The following CHST8 variants were observed in gnomAD, a reference collection of about 807,000 sequenced individuals.
CHST8 encodes GALNAC-4-ST1.
Under a neutral mutation model 15.0 loss-of-function variants are expected in CHST8, and 10 were observed. The observed-to-expected ratio is 0.67, with a 90% CI of 0.41 to 1.13. CHST8 has a LOEUF of 1.13. Ranked by LOEUF, CHST8 falls within the 50% of genes most tolerant of loss-of-function variation. The pLI is 0.00. For synonymous variants in CHST8, 259 were observed against 256.6 expected, an observed-to-expected ratio of 1.01 and a Z score of -0.09; for missense variants, 634 against 608.2, an observed-to-expected ratio of 1.04 and a Z score of -0.45.
intron 3 of CHST8, among the ~76,000 whole-genome samples, chr19:33,757,055 G>T (rs1405683884): frequency 6.6e-6 from 1 of 152,166 alleles, no homozygotes; most frequent in African/African-American, 2.4e-5. Flanking sequence ...GCCCTGTGGG[G>T]GCTCCTGCTG....
chr19:33,654,989 T>C (rs190463407), intron 1 of CHST8, among the ~76,000 whole-genome samples: 22 of 152,308 alleles, frequency 1.4e-4, no homozygotes, highest in Non-Finnish European at 1.5e-5. Context: ...TCAGACATGG[T>C]AGGTCAAGCC....
Position 33,746,761 on chromosome 19 carries a change from C to T in CHST8, c.131-24652C>T, listed in dbSNP as rs536616885. Among the ~76,000 whole-genome samples the T allele has an allele frequency of 1.3e-3, 200 of 152,018 alleles. 2 individuals are homozygous for T. Among genetic ancestry groups the T allele is most frequent in the Non-Finnish European group, 2.3e-3 (159 of 68,020 alleles). On this transcript the variant is annotated intron_variant, in intron 3 of 4. Coordinates refer to ENST00000650847, the MANE Select transcript of CHST8 (RefSeq NM_001127895.2). ...CAGGGGGCCTGACTTCACTCCATTC[C>T]AGCGTCACCTAACAAAAGACCCTAG...
At chr19:33,700,162 G>A (rs903440392) in intron 3 of CHST8, among the ~76,000 whole-genome samples, 10 of 152,216 alleles carry the variant, frequency 6.6e-5, no homozygotes, top group Admixed American at 6.5e-4. Context: ...CCGGGCAGGT[G>A]GGTTTTATTG....
At chr19:33,715,438 G>A (rs1973648542) in intron 3 of CHST8, among the ~76,000 whole-genome samples, 1 of 152,200 alleles carries the variant, frequency 6.6e-6, no homozygotes, top group Non-Finnish European at 1.5e-5. Flanking sequence ...AGATAGATAG[G>A]ATCAGACCTT....
intron 2 of CHST8, among the ~76,000 whole-genome samples, chr19:33,676,868 C>G (rs1256107433): frequency 2.0e-5 from 3 of 150,716 alleles, no homozygotes; most frequent in Non-Finnish European, 4.4e-5. Flanking sequence ...CAGAGCGAGA[C>G]CCAGACTCTT....
At chr19:33,627,753 G>C (rs1972074312) in intron 1 of CHST8, among the ~76,000 whole-genome samples, 1 of 152,174 alleles carries the variant, frequency 6.6e-6, no homozygotes, top group Non-Finnish European at 1.5e-5. Context: ...TGCCAGGCCT[G>C]TTGTCACTGT....
At chr19:33,650,258 C>T (rs577084047) in intron 1 of CHST8, among the ~76,000 whole-genome samples, 8 of 152,170 alleles carry the variant, frequency 5.3e-5, no homozygotes, top group African/African-American at 1.7e-4. Flanking sequence ...TTTAAGATTT[C>T]TCTGGGTTCC....
intron 3 of CHST8, among the ~76,000 whole-genome samples, chr19:33,740,338 C>T (rs1308413034): frequency 6.6e-6 from 1 of 152,180 alleles, no homozygotes; most frequent in African/African-American, 2.4e-5. Flanking sequence ...AGAACCGTGT[C>T]ATGGAAACCA....
intron 3 of CHST8, among the ~76,000 whole-genome samples, chr19:33,757,810 G>A (rs1268980786): frequency 2.6e-5 from 4 of 152,158 alleles, no homozygotes; most frequent in Admixed American, 2.0e-4. Context: ...TCCTGCCCCA[G>A]CCTCCCGAGT....
intron 1 of CHST8, among the ~76,000 whole-genome samples, chr19:33,654,443 A>G (rs1035098509): frequency 6.6e-6 from 1 of 152,058 alleles, no homozygotes; most frequent in African/African-American, 2.4e-5. Flanking sequence ...AATTATCCAA[A>G]CTAATTTAAG....
intron 3 of CHST8, among the ~76,000 whole-genome samples, chr19:33,771,042 C>A (rs1193262446): frequency 6.6e-6 from 1 of 152,142 alleles, no homozygotes; most frequent in Non-Finnish European, 1.5e-5. Context: ...TTCCCTGTGA[C>A]TTAATGACAT....
chr19:33,765,517 G>C (rs1270645741), intron 3 of CHST8, among the ~76,000 whole-genome samples: 1 of 87,354 alleles, frequency 1.1e-5, no homozygotes, highest in Non-Finnish European at 2.3e-5. Context: ...CAGTCTTTGT[G>C]TGTGTGTGTG....
intron 3 of CHST8, among the ~76,000 whole-genome samples, chr19:33,690,455 G>C (rs1973080445): frequency 6.6e-6 from 1 of 152,188 alleles, no homozygotes; most frequent in African/African-American, 2.4e-5. Flanking sequence ...GTGGCCTTTA[G>C]TGCAGATTGA....
intron 3 of CHST8, among the ~76,000 whole-genome samples, chr19:33,736,593 G>A (rs1974087681): frequency 6.6e-6 from 1 of 152,158 alleles, no homozygotes; most frequent in Admixed American, 6.5e-5. Context: ...CAGCAGATAA[G>A]TGTGTGTGAG....
At chr19:33,731,192 A>G (rs2145325722) in intron 3 of CHST8, among the ~76,000 whole-genome samples, 1 of 152,358 alleles carries the variant, frequency 6.6e-6, no homozygotes, top group East Asian at 1.9e-4. Flanking sequence ...GTTTATTAAG[A>G]AAGTAAAGGA....
intron 1 of CHST8, among the ~76,000 whole-genome samples, chr19:33,625,396 G>A (rs1176150091): frequency 6.6e-6 from 1 of 151,956 alleles, no homozygotes; most frequent in African/African-American, 2.4e-5. Context: ...GCTCTTTAGT[G>A]AGCAACCGTG....
chr19:33,696,423 T>C (rs1332921156), intron 3 of CHST8, among the ~76,000 whole-genome samples: 1 of 152,050 alleles, frequency 6.6e-6, no homozygotes. Flanking sequence ...GGTGGCCACA[T>C]TAGAGTCCAG....
chr19:33,754,473 A>C (rs947713153), intron 3 of CHST8, among the ~76,000 whole-genome samples: 1 of 152,116 alleles, frequency 6.6e-6, no homozygotes, highest in Admixed American at 6.5e-5. Flanking sequence ...CTTGCCGTGC[A>C]TCTTAACCCT....
At chr19:33,755,037 G>A (rs934988642) in intron 3 of CHST8, among the ~76,000 whole-genome samples, 1 of 152,146 alleles carries the variant, frequency 6.6e-6, no homozygotes, top group Non-Finnish European at 1.5e-5. Flanking sequence ...TCTCACTTGC[G>A]GATGCAGCAG....
Sources: allele counts gnomAD v4.1 joint callset (sites outside exome capture counted in the v4.1 genomes callset), GRCh38; gene constraint gnomAD v4.1.1; transcripts MANE v1.5; gene names NCBI Gene and HGNC (gene_info 2026-07-23, HGNC 2026-07-21).